The following ARHGAP17 variants were observed in gnomAD, a reference collection of about 807,000 sequenced individuals.
ARHGAP17 encodes the protein Rho GTPase activating protein 17, also known as rho GTPase-activating protein 17.
In ARHGAP17, 57 loss-of-function variants were observed where a neutral mutation model predicts 99.5. The observed-to-expected ratio is 0.57, with a 90% CI of 0.46 to 0.71. ARHGAP17 has a LOEUF of 0.71. ARHGAP17 is among the 30% of genes least tolerant of loss of function. The pLI is 0.00. For synonymous variants in ARHGAP17, 417 were observed against 429.6 expected (o/e 0.97, Z 0.36); for missense variants, 1,000 against 1,122.4 (o/e 0.89, Z 1.56).
intron 1 of ARHGAP17, among the ~76,000 whole-genome samples, chr16:25,004,031 C>CA (rs969204845): frequency 7.4e-5 from 11 of 148,528 alleles, no homozygotes; most frequent in South Asian, 4.3e-4. Flanking sequence ...AATTTACAAA[C>CA]AAAAAAAAAA....
intron 1 of ARHGAP17, among the ~76,000 whole-genome samples, chr16:25,008,735 C>A (rs192823038): frequency 1.1e-3 from 169 of 152,252 alleles, no homozygotes; most frequent in African/African-American, 3.9e-3. Context: ...CGTAACATGC[C>A]GCTTACACAT....
At chr16:24,963,516 C>T (rs938717188) in intron 7 of ARHGAP17, among the ~76,000 whole-genome samples, 5 of 152,066 alleles carry the variant, frequency 3.3e-5, no homozygotes, top group African/African-American at 1.2e-4. Context: ...TAAGTCAATC[C>T]AGACTTAAGA....
At chr16:25,000,583 A>G (rs1002686583) in intron 1 of ARHGAP17, among the ~76,000 whole-genome samples, 2 of 152,180 alleles carry the variant, frequency 1.3e-5, no homozygotes, top group South Asian at 4.1e-4. Context: ...GGGGGTTATT[A>G]AAACCTCTAC....
intron 3 of ARHGAP17, among the ~76,000 whole-genome samples, chr16:24,975,509 G>C (rs906903297): frequency 6.6e-6 from 1 of 152,204 alleles, no homozygotes; most frequent in Non-Finnish European, 1.5e-5. Context: ...GGTTCCGAGG[G>C]ACAGAGCTTT....
intron 13 of ARHGAP17, 82 bp downstream of exon 13, chr16:24,949,322 A>G (rs1285559178): frequency 1.8e-6 from 2 of 1,097,594 alleles, no homozygotes; most frequent in Non-Finnish European, 2.7e-6. Flanking sequence ...TAATGTGCCA[A>G]GTATGCCTGA....
intron 1 of ARHGAP17, among the ~76,000 whole-genome samples, chr16:24,986,112 T>C (rs1018829077): frequency 2.0e-5 from 3 of 152,208 alleles, no homozygotes; most frequent in Admixed American, 6.5e-5. Context: ...TCCAAGGCTG[T>C]AGGGATCTAC....
intron 3 of ARHGAP17, among the ~76,000 whole-genome samples, chr16:24,971,985 G>A (rs1287914350): frequency 6.6e-6 from 1 of 152,158 alleles, no homozygotes; most frequent in Non-Finnish European, 1.5e-5. Flanking sequence ...TGGTTATAAC[G>A]TCATAATCTG....
intron 1 of ARHGAP17, among the ~76,000 whole-genome samples, chr16:24,997,735 T>A (rs1245762545): frequency 6.6e-6 from 1 of 151,996 alleles, no homozygotes; most frequent in Non-Finnish European, 1.5e-5. Flanking sequence ...GACCACCAGG[T>A]TTCTGCCTTG....
chr16:24,981,163 C>T (rs947005619), intron 1 of ARHGAP17, among the ~76,000 whole-genome samples: 3 of 152,172 alleles, frequency 2.0e-5, no homozygotes, highest in African/African-American at 7.2e-5. Flanking sequence ...GCTCAGTAAC[C>T]TCACACTGGT....
At chr16:24,977,113 G>C (rs755879027) in intron 3 of ARHGAP17, 102 bp downstream of exon 3, 1 of 861,260 alleles carries the variant, frequency 1.2e-6, no homozygotes, top group Non-Finnish European at 1.6e-6. Context: ...AGTCACCAAA[G>C]GCTGATCCAC....
intron 7 of ARHGAP17, among the ~76,000 whole-genome samples, chr16:24,962,166 G>C (rs1478014935): frequency 6.6e-6 from 1 of 151,476 alleles, no homozygotes; most frequent in Non-Finnish European, 1.5e-5. Context: ...CACACAAAGA[G>C]AGAAAGAAGA....
intron 6 of ARHGAP17, among the ~76,000 whole-genome samples, chr16:24,967,327 G>A (rs930975732): frequency 6.6e-6 from 1 of 152,190 alleles, no homozygotes; most frequent in Non-Finnish European, 1.5e-5. Context: ...TGCTACAACA[G>A]CAGAGTTAAG....
chr16:24,983,972 C>T (rs2052779231), intron 1 of ARHGAP17, among the ~76,000 whole-genome samples: 1 of 152,168 alleles, frequency 6.6e-6, no homozygotes, highest in African/African-American at 2.4e-5. Context: ...CAATGTCCAA[C>T]CCTGCAGTGT....
rs151329045 is a variant in ARHGAP17, at chr16:24,980,485, C to A, written c.54-1480G>T. Among the ~76,000 whole-genome samples the A allele has an allele frequency of 6.4e-3, 974 of 152,246 alleles. 8 individuals carry two copies. The highest frequency in any genetic ancestry group is 0.017 in the Middle Eastern group (5 of 294). ...CCAAGGCCCCAGCTTCCAGAGGCAG[C>A]CAATTTTCAACTCTATGAAAAGGTT... On this transcript the variant is annotated intron_variant, in intron 1 of 19. Coordinates refer to ENST00000289968, the MANE Select transcript of ARHGAP17 (RefSeq NM_001006634.3).
At chr16:24,928,368 G>A (rs944816387) in intron 19 of ARHGAP17, among the ~76,000 whole-genome samples, 4 of 152,054 alleles carry the variant, frequency 2.6e-5, no homozygotes, top group Admixed American at 2.6e-4. Context: ...AGTATCTTCG[G>A]GAAACACATT....
intron 1 of ARHGAP17, among the ~76,000 whole-genome samples, chr16:24,997,265 C>T (rs1200106521): frequency 6.6e-6 from 1 of 151,914 alleles, no homozygotes; most frequent in Non-Finnish European, 1.5e-5. Context: ...TGCAAGGCGC[C>T]CAGTACACAC....
intron 1 of ARHGAP17, among the ~76,000 whole-genome samples, chr16:24,995,298 G>A (rs764349934): frequency 7.9e-5 from 12 of 152,160 alleles, no homozygotes; most frequent in Non-Finnish European, 1.6e-4. Flanking sequence ...TTAAATTGTT[G>A]CGGGTTACAG....
At chr16:24,963,040 C>CATCA (rs2141282705) in intron 7 of ARHGAP17, among the ~76,000 whole-genome samples, 1 of 152,280 alleles carries the variant, frequency 6.6e-6, no homozygotes, top group East Asian at 1.9e-4. Context: ...AGAGAACAGA[C>CATCA]ATCAGCCCAT....
rs1483680454 is a variant in ARHGAP17, at chr16:24,988,403, C to T, written c.54-9398G>A. On this transcript the variant is annotated intron_variant, in intron 1 of 19. Transcript: ENST00000289968. ...GGATACTTAACGGGGGGAAATGATTCAACAGAAAATATTTTGGCAATGACG... is the reference window on the plus strand; with the variant it reads ...GGATACTTAACGGGGGGAAATGATTTAACAGAAAATATTTTGGCAATGACG... Among the ~76,000 whole-genome samples, 4 of 152,040 alleles carry T rather than the reference C, an allele frequency of 2.6e-5. No individual in the cohort carries two copies. The East Asian group carries it at 5.8e-4, about 22-fold the overall frequency.
Sources: gnomAD v4.1 joint callset for allele counts (sites outside exome capture counted in the v4.1 genomes callset) on GRCh38, gnomAD v4.1.1 for gene constraint, MANE v1.5 for transcripts, NCBI Gene and HGNC (gene_info 2026-07-23, HGNC 2026-07-21) for gene names.